Variants in PTPRN2 observed in about 807,000 individuals in gnomAD.
PTPRN2 encodes the protein protein tyrosine phosphatase receptor type N2, also known as receptor-type tyrosine-protein phosphatase N2.
PTPRN2 carries 74 observed loss-of-function variants against 118.8 expected under a neutral mutation model. The observed-to-expected ratio is 0.62, with a 90% confidence interval of 0.52 to 0.76. The LOEUF (loss-of-function observed/expected upper bound fraction) is 0.76. Ranked by LOEUF, PTPRN2 falls within the 30% of genes least tolerant of loss-of-function variation. The pLI is 0.00. For synonymous variants in PTPRN2, 641 were observed against 608.0 expected, an observed-to-expected ratio of 1.05 and a Z score of -0.80; for missense variants, 1,481 against 1,394.4, an observed-to-expected ratio of 1.06 and a Z score of -0.99.
intron 14 of PTPRN2, among the ~76,000 whole-genome samples, chr7:157,645,483 C>T (rs1479990834): frequency 1.3e-5 from 2 of 152,176 alleles, no homozygotes; most frequent in Non-Finnish European, 2.9e-5. Flanking sequence ...TAAGCATCCG[C>T]GATGACTCAG....
rs954865097 is a variant in PTPRN2 at position 158,022,587 on chromosome 7, C to T, written c.1723+58711G>A. Among the ~76,000 whole-genome samples, 21 of 148,454 alleles carry T rather than the reference C, an allele frequency of 1.4e-4. 1 individual carries two copies. Among genetic ancestry groups the T allele is most frequent in the African/African-American group, 4.5e-4 (18 of 40,282 alleles). ...CCCGGGCACTCTGTCTGGGGCAGCC[C>T]GTAATGTGTTCATAGCCAAGGCCCC... On this transcript the variant is annotated intron_variant, in intron 11 of 22. Transcript: ENST00000389418. This position sits in a 1 kb window ranked among gnomAD's most constrained non-coding sequence, Gnocchi z 4.6.
At chr7:158,276,328 A>C (rs1586094670) in intron 3 of PTPRN2, among the ~76,000 whole-genome samples, 4 of 36,868 alleles carry the variant, frequency 1.1e-4, no homozygotes, top group Non-Finnish European at 1.9e-4. Flanking sequence ...GTAATGTATC[A>C]CCCCCGCACC....
intron 2 of PTPRN2, among the ~76,000 whole-genome samples, chr7:158,340,254 A>T (rs1479746991): frequency 2.1e-5 from 2 of 93,428 alleles, no homozygotes; most frequent in East Asian, 3.2e-4. Flanking sequence ...CTCTCACTAT[A>T]AGAGGTGACA....
At chr7:157,661,515 C>T (rs1417927006) in intron 13 of PTPRN2, among the ~76,000 whole-genome samples, 3 of 152,258 alleles carry the variant, frequency 2.0e-5, no homozygotes, top group Admixed American at 6.5e-5. Flanking sequence ...CTGAACCCAC[C>T]GCTACCAAGT....
At chr7:158,187,765 G>C (rs745904193) in intron 5 of PTPRN2, among the ~76,000 whole-genome samples, 5 of 152,158 alleles carry the variant, frequency 3.3e-5, no homozygotes, top group Admixed American at 2.0e-4. Context: ...AATGACCACG[G>C]AGCTCATTAA....
rs1232065953 is a variant in PTPRN2 at position 158,563,750 on chromosome 7, T to C, written c.112+23808A>G. Among the ~76,000 whole-genome samples, 2 of 152,176 alleles carry C rather than the reference T, an allele frequency of 1.3e-5. No homozygotes were observed. The highest frequency in any genetic ancestry group is 4.8e-5 in the African/African-American group (2 of 41,442). On this transcript the variant is annotated intron_variant, in intron 1 of 22. Coordinates refer to ENST00000389418, the MANE Select transcript of PTPRN2 (RefSeq NM_002847.5). The surrounding 1 kb of genome is among the most constrained non-coding windows in gnomAD (Gnocchi z 5.1). ...GGGCCTTCCATCTAGGGGCACAGTC[T>C]CCCTCCCTTCCCCTTATCCCTCAGA...
intron 12 of PTPRN2, among the ~76,000 whole-genome samples, chr7:157,757,071 T>TA (rs1801825990): frequency 6.6e-6 from 1 of 152,148 alleles, no homozygotes. Flanking sequence ...GGATGGACTA[T>TA]GGTATGCTAT....
intron 12 of PTPRN2, chr7:157,864,099 T>C (rs1810445945): frequency 6.6e-6 from 1 of 152,242 alleles, no homozygotes; most frequent in African/African-American, 2.4e-5. Flanking sequence ...GTGGTTTTGA[T>C]CCAAAAGCAT....
intron 12 of PTPRN2, among the ~76,000 whole-genome samples, chr7:157,725,901 G>A (rs1437294486): frequency 2.0e-5 from 2 of 99,244 alleles, no homozygotes; most frequent in African/African-American, 9.2e-5. Context: ...CCTCCCAGGA[G>A]AACTGGATAT....
intron 2 of PTPRN2, among the ~76,000 whole-genome samples, chr7:158,465,605 C>T (rs1819332231): frequency 6.6e-6 from 1 of 152,214 alleles, no homozygotes; most frequent in Non-Finnish European, 1.5e-5. Context: ...TAGAGACAAG[C>T]AAACTGAGGC....
At chr7:157,663,327 G>A (rs1290488366) in intron 13 of PTPRN2, among the ~76,000 whole-genome samples, 4 of 152,258 alleles carry the variant, frequency 2.6e-5, no homozygotes, top group South Asian at 2.1e-4. Context: ...GCTGTCGGCC[G>A]TCCTGCACGT....
At position 157,590,689 on chromosome 7, in the gene PTPRN2, G is replaced by T. The variant is rs979450999; in HGVS notation, c.2496+4549C>A. ...GGGGCCTCGCGGTGCCATGCTGGGG[G>T]AGAGGCTGGTGAGCATGGAGTGACC... On this transcript the variant is annotated intron_variant, in intron 17 of 22. Transcript: ENST00000389418. The surrounding 1 kb of genome is among the most constrained non-coding windows in gnomAD (Gnocchi z 4.0). Among the ~76,000 whole-genome samples the T allele has an allele frequency of 2.0e-5, 3 of 152,100 alleles. No homozygotes were observed. Among genetic ancestry groups the T allele is most frequent in the Admixed American group, 6.5e-5 (1 of 15,274 alleles).
At chr7:157,695,781 T>A (rs1797737230) in intron 12 of PTPRN2, among the ~76,000 whole-genome samples, 1 of 152,218 alleles carries the variant, frequency 6.6e-6, no homozygotes, top group Non-Finnish European at 1.5e-5. Flanking sequence ...TAAAAGAAGG[T>A]AAGTCCATTG....
At chr7:157,746,850 G>T (rs1277161069) in intron 12 of PTPRN2, among the ~76,000 whole-genome samples, 1 of 152,174 alleles carries the variant, frequency 6.6e-6, no homozygotes, top group Non-Finnish European at 1.5e-5. Flanking sequence ...TCCCTGAGCT[G>T]CGGGCAGTTG....
intron 5 of PTPRN2, among the ~76,000 whole-genome samples, chr7:158,189,204 C>T (rs935019112): frequency 6.6e-6 from 1 of 152,236 alleles, no homozygotes; most frequent in Non-Finnish European, 1.5e-5. Context: ...GCCGACCTCA[C>T]GTCTGGCTGC....
chr7:157,555,795 G>T (rs1446533173), intron 21 of PTPRN2, among the ~76,000 whole-genome samples: 1 of 152,200 alleles, frequency 6.6e-6, no homozygotes, highest in Non-Finnish European at 1.5e-5. Flanking sequence ...TGGAAGAACT[G>T]AAGAAAAGCT....
intron 12 of PTPRN2, among the ~76,000 whole-genome samples, chr7:157,708,667 G>A (rs531115345): frequency 2.4e-4 from 36 of 152,224 alleles, no homozygotes; most frequent in Non-Finnish European, 4.9e-4. Flanking sequence ...AGTCACAAGC[G>A]GCTCCCTGCT....
intron 12 of PTPRN2, among the ~76,000 whole-genome samples, chr7:157,823,687 T>C (rs983938925): frequency 3.3e-5 from 5 of 152,090 alleles, no homozygotes; most frequent in African/African-American, 1.2e-4. Context: ...ACTGGTGAAG[T>C]TTTCAGATTT....
rs563823183 is a variant in PTPRN2, at chr7:158,299,764, C to T, written c.277+17055G>A. On this transcript the variant is annotated intron_variant, in intron 3 of 22. Transcript: ENST00000389418. The stretch of plus-strand genomic sequence containing the variant: ...CTTCACTGCCACAGAGCTCCCTCAC[C>T]TCCCTCAGGAAGTGGCAGAGCAGTT... Among the ~76,000 whole-genome samples, 184 of 152,204 alleles carry T rather than the reference C, an allele frequency of 1.2e-3. 1 individual carries two copies. Among genetic ancestry groups the T allele is most frequent in the Non-Finnish European group, 1.4e-3 (97 of 68,040 alleles).
Sources: gnomAD v4.1 joint callset for allele counts (sites outside exome capture counted in the v4.1 genomes callset) on GRCh38, gnomAD v4.1.1 for gene constraint, Gnocchi (gnomAD v3.1) non-coding constraint, MANE v1.5 for transcripts, NCBI Gene and HGNC (gene_info 2026-07-23, HGNC 2026-07-21) for gene names.